The following SMIM35 variants were observed in gnomAD, a reference collection of about 807,000 sequenced individuals.
SMIM35 encodes the protein TMPRSS4 antisense RNA 1 (non-protein coding).
chr11:118,028,749 A>C (rs912910773), intron 1 of SMIM35: 22 of 429,550 alleles, frequency 5.1e-5, no homozygotes, highest in African/African-American at 4.3e-4. Context: ...GTTGGGGAAG[A>C]AGATGGAAGA....
chr11:118,011,179 A>G (rs2058148597), intron 4 of SMIM35, among the ~76,000 whole-genome samples: 1 of 152,234 alleles, frequency 6.6e-6, no homozygotes, highest in East Asian at 1.9e-4. Context: ...GCTCCCGAGG[A>G]TGGGAAATAC....
chr11:118,047,632 T>A (rs1309840683), intron 1 of SMIM35, among the ~76,000 whole-genome samples: 3 of 152,094 alleles, frequency 2.0e-5, no homozygotes, highest in African/African-American at 7.2e-5. Flanking sequence ...CTGGGAGAGA[T>A]GGAGAAAACA....
rs910501430 is a variant in SMIM35 at position 118,004,031 on chromosome 11, T to C, written c.*2379A>G. 1.1e-4 allele frequency: 17 copies of C among 152,260 alleles called. No individual in the cohort carries two copies. The highest frequency in any genetic ancestry group is 4.1e-4 in the African/African-American group (17 of 41,454). 9.4% of individuals were successfully genotyped at this position (152,260 alleles called of 1,614,324 possible). A position where few individuals can be genotyped will look rare whatever the true frequency, so the allele number is the denominator to read the frequency against. On this transcript the variant is annotated 3_prime_UTR_variant, in exon 5 of 5. Coordinates refer to ENST00000689828, the MANE Select transcript of SMIM35 (RefSeq NM_001394165.1). ...CAAGGTGCCAGCTGAGTGAGTTCCC[T>C]GGGAGGGCTCTCTTCCTGGCTTGGA...
chr11:118,031,821 C>T (rs1429856744), intron 1 of SMIM35: 2 of 151,688 alleles, frequency 1.3e-5, no homozygotes, highest in Non-Finnish European at 2.9e-5. Context: ...AATGGCATAC[C>T]ACCTGAGGGG....
At chr11:118,063,410 CTTTATTT>C (rs1944422557) in intron 1 of SMIM35, among the ~76,000 whole-genome samples, 2 of 152,206 alleles carry the variant, frequency 1.3e-5, no homozygotes, top group African/African-American at 4.8e-5. Flanking sequence ...ATTTTTCTGT[CTTTATTT>C]CTAAATCTTC....
chr11:118,072,830 C>G (rs926478739), intron 1 of SMIM35, among the ~76,000 whole-genome samples: 4 of 152,366 alleles, frequency 2.6e-5, no homozygotes, highest in African/African-American at 4.8e-5. Context: ...GCTCCATAAA[C>G]ACACATTTTG....
chr11:118,010,238 T>C (rs1308165512), intron 4 of SMIM35, among the ~76,000 whole-genome samples: 1 of 152,214 alleles, frequency 6.6e-6, no homozygotes, highest in African/African-American at 2.4e-5. Context: ...ACTTTGAGTT[T>C]CTCAGACTCC....
chr11:118,067,368 T>G (rs192570391), intron 1 of SMIM35: 1 of 152,220 alleles, frequency 6.6e-6, no homozygotes, highest in African/African-American at 2.4e-5. Context: ...AAGTTCAGCA[T>G]CAATATGGTG....
At chr11:118,019,947 A>T (rs972197557) in intron 1 of SMIM35, among the ~76,000 whole-genome samples, 1 of 152,124 alleles carries the variant, frequency 6.6e-6, no homozygotes, top group Admixed American at 6.5e-5. Context: ...ACACTGCTAC[A>T]TTATCTTAAT....
chr11:118,031,195 C>A (rs1157657672), intron 1 of SMIM35, among the ~76,000 whole-genome samples: 2 of 152,112 alleles, frequency 1.3e-5, no homozygotes, highest in African/African-American at 4.8e-5. Context: ...CAGTTTAATA[C>A]ACATATAAAT....
chr11:118,073,122 T>A (rs566933125), intron 1 of SMIM35, among the ~76,000 whole-genome samples: 1 of 152,302 alleles, frequency 6.6e-6, no homozygotes, highest in South Asian at 2.1e-4. Flanking sequence ...TTGGTATTTT[T>A]AATAGAGGTT....
chr11:118,009,150 C>T (rs1453573268), intron 4 of SMIM35, among the ~76,000 whole-genome samples: 1 of 152,082 alleles, frequency 6.6e-6, no homozygotes, highest in Admixed American at 6.6e-5. Context: ...CAGTGGGAAG[C>T]TCAGAGCTGA....
intron 1 of SMIM35, among the ~76,000 whole-genome samples, chr11:118,016,665 A>C (rs151164649): frequency 6.6e-6 from 1 of 152,282 alleles, no homozygotes; most frequent in East Asian, 1.9e-4. Flanking sequence ...TAGATCCACT[A>C]TTTGCAAGCT....
At chr11:118,064,134 C>T (rs192741081) in intron 1 of SMIM35, among the ~76,000 whole-genome samples, 12 of 152,334 alleles carry the variant, frequency 7.9e-5, no homozygotes, top group African/African-American at 2.6e-4. Flanking sequence ...CCAGTGTCTG[C>T]TGCAGAAATG....
At chr11:118,044,361 A>G (rs930337604) in intron 1 of SMIM35, among the ~76,000 whole-genome samples, 8 of 151,102 alleles carry the variant, frequency 5.3e-5, no homozygotes, top group African/African-American at 1.9e-4. Context: ...GCCAAGCAGC[A>G]TGAAGGTAAT....
intron 1 of SMIM35, among the ~76,000 whole-genome samples, chr11:118,065,580 G>A (rs1191252909): frequency 6.6e-6 from 1 of 152,138 alleles, no homozygotes; most frequent in Admixed American, 6.5e-5. Flanking sequence ...TTTGCATAGG[G>A]TGTAACTTTG....
intron 1 of SMIM35, among the ~76,000 whole-genome samples, chr11:118,016,156 T>C (rs1433584988): frequency 6.6e-6 from 1 of 152,020 alleles, no homozygotes; most frequent in African/African-American, 2.4e-5. Flanking sequence ...ATGAGCCAGG[T>C]GGTCAGGGGC....
intron 4 of SMIM35, among the ~76,000 whole-genome samples, chr11:118,011,758 C>G (rs2058151944): frequency 6.6e-6 from 1 of 152,134 alleles, no homozygotes; most frequent in Non-Finnish European, 1.5e-5. Flanking sequence ...GGCCCCAGTC[C>G]TCAGAATTGA....
chr11:118,021,990 T>C (rs1320389748), intron 1 of SMIM35, among the ~76,000 whole-genome samples: 1 of 151,914 alleles, frequency 6.6e-6, no homozygotes, highest in Non-Finnish European at 1.5e-5. Flanking sequence ...ATATGGAGCA[T>C]TCATCAAGAC....
Sources: gnomAD v4.1 joint callset for allele counts (sites outside exome capture counted in the v4.1 genomes callset) on GRCh38, gnomAD v4.1.1 for gene constraint, MANE v1.5 for transcripts, NCBI Gene and HGNC (gene_info 2026-07-23, HGNC 2026-07-21) for gene names.